NRG1: variants seen among roughly 807,000 people sequenced by gnomAD.
NRG1 encodes the protein pro-neuregulin-1, membrane-bound isoform.
NRG1 carries 18 observed loss-of-function variants against 63.8 expected under a neutral mutation model. That is an observed-to-expected ratio of 0.28 (90% CI 0.19 to 0.42). NRG1 has a LOEUF of 0.42. NRG1 is among the 10% of genes least tolerant of loss of function. The probability of loss-of-function intolerance (pLI) is 1.00; values close to 1 mark genes in which losing one functional copy is unlikely to be tolerated. For missense variants in NRG1, 762 were observed against 814.7 expected, an observed-to-expected ratio of 0.94 and a Z score of 0.79; for synonymous variants, 302 against 301.3, an observed-to-expected ratio of 1.00 and a Z score of -0.02.
chr8:32,267,414 A>T (rs1447024959), intron 1 of NRG1, among the ~76,000 whole-genome samples: 1 of 152,176 alleles, frequency 6.6e-6, no homozygotes, highest in Non-Finnish European at 1.5e-5. Flanking sequence ...CCTGGCTTAG[A>T]TGTAGTTGTG....
At chr8:31,731,658 AAT>A (rs998792801) in intron 1 of NRG1, among the ~76,000 whole-genome samples, 8 of 152,176 alleles carry the variant, frequency 5.3e-5, no homozygotes. Flanking sequence ...TAACTCAGTT[AAT>A]ATATATGTAC....
intron 1 of NRG1, among the ~76,000 whole-genome samples, chr8:31,774,358 C>T (rs930236812): frequency 6.6e-6 from 1 of 152,124 alleles, no homozygotes; most frequent in African/African-American, 2.4e-5. Flanking sequence ...TATCTTAGAT[C>T]ATAATATATA....
chr8:31,992,834 T>G (rs1811321190), intron 1 of NRG1, among the ~76,000 whole-genome samples: 1 of 151,956 alleles, frequency 6.6e-6, no homozygotes, highest in South Asian at 2.1e-4. Context: ...GTATGAAATA[T>G]TTTTCCCAGA....
intron 1 of NRG1, among the ~76,000 whole-genome samples, chr8:31,969,001 G>A (rs984391635): frequency 5.3e-5 from 8 of 152,066 alleles, no homozygotes; most frequent in Non-Finnish European, 1.2e-4. Flanking sequence ...GCATTTGAGC[G>A]CTCTCTCCGC....
At chr8:32,747,409 A>C (rs1474154805) in intron 7 of NRG1, among the ~76,000 whole-genome samples, 3 of 152,166 alleles carry the variant, frequency 2.0e-5, no homozygotes, top group Non-Finnish European at 4.4e-5. Flanking sequence ...TTCCTTGGAA[A>C]ATGAATGTTT....
chr8:32,210,133 C>T (rs1382836586), intron 1 of NRG1, among the ~76,000 whole-genome samples: 7 of 152,078 alleles, frequency 4.6e-5, no homozygotes, highest in Admixed American at 3.9e-4. Flanking sequence ...AAAAAGGTGT[C>T]GTAAAGCAGC....
At chr8:32,602,379 T>G (rs1001539552) in intron 2 of NRG1, among the ~76,000 whole-genome samples, 1 of 152,118 alleles carries the variant, frequency 6.6e-6, no homozygotes, top group Non-Finnish European at 1.5e-5. Context: ...AAGATTATGT[T>G]AACTGTAAAT....
At chr8:32,402,566 C>CT (rs1813354426) in intron 1 of NRG1, among the ~76,000 whole-genome samples, 1 of 152,172 alleles carries the variant, frequency 6.6e-6, no homozygotes, top group African/African-American at 2.4e-5. Context: ...TGCCTCCGAC[C>CT]TGTTAGTCAC....
chr8:31,897,785 CG>C, intron 1 of NRG1, among the ~76,000 whole-genome samples: 1 of 151,580 alleles, frequency 6.6e-6, no homozygotes, highest in East Asian at 1.9e-4. Flanking sequence ...GAGGCTGAGG[CG>C]GGCAGATCAC....
At chr8:31,667,901 G>C (rs1281619284) in intron 1 of NRG1, among the ~76,000 whole-genome samples, 1 of 152,140 alleles carries the variant, frequency 6.6e-6, no homozygotes, top group Non-Finnish European at 1.5e-5. Flanking sequence ...TTTCTCGCTG[G>C]AGACAGACTG....
chr8:31,826,720 G>A (rs1316808874), intron 1 of NRG1, among the ~76,000 whole-genome samples: 1 of 152,162 alleles, frequency 6.6e-6, no homozygotes. Context: ...GCTTAGGTGT[G>A]GAGTAGAAGA....
chr8:32,719,271 A>G (rs1820035612), intron 5 of NRG1, among the ~76,000 whole-genome samples: 11 of 152,068 alleles, frequency 7.2e-5, no homozygotes, highest in Admixed American at 7.2e-4. Context: ...ATATATTTAA[A>G]CAAGTACATA....
intron 1 of NRG1, among the ~76,000 whole-genome samples, chr8:32,209,545 G>C (rs1315870237): frequency 6.6e-6 from 1 of 152,034 alleles, no homozygotes; most frequent in Admixed American, 6.6e-5. Flanking sequence ...TCATGTAGCA[G>C]GGTTTAAAAT....
intron 1 of NRG1, among the ~76,000 whole-genome samples, chr8:32,099,077 C>T (rs964126759): frequency 2.0e-5 from 3 of 152,142 alleles, no homozygotes; most frequent in African/African-American, 4.8e-5. Context: ...CATGAAAATA[C>T]GTTGCAAGGG....
intron 1 of NRG1, among the ~76,000 whole-genome samples, chr8:32,360,190 A>C (rs1377486407): frequency 6.6e-6 from 1 of 152,212 alleles, no homozygotes; most frequent in Admixed American, 6.6e-5. Context: ...CAGGGGCCAA[A>C]CCTGTAATAG....
intron 5 of NRG1, among the ~76,000 whole-genome samples, chr8:32,720,079 T>C (rs1820246191): frequency 6.6e-6 from 1 of 152,148 alleles, no homozygotes; most frequent in South Asian, 2.1e-4. Flanking sequence ...TTTTGACCTT[T>C]CAGCTACTTT....
intron 1 of NRG1, among the ~76,000 whole-genome samples, chr8:32,479,758 C>A (rs987717920): frequency 1.3e-5 from 2 of 151,910 alleles, no homozygotes; most frequent in African/African-American, 4.8e-5. Context: ...CAAGTGATTC[C>A]CCTGCCTCAG....
In NRG1 at chr8:32,355,908, C is replaced by T. The variant is rs1806321375; in HGVS notation, c.38-239920C>T. ...ATGGTCTTCCAGATGAAGGAGGGGA[C>T]ATGAACATGTGTCTGTCCCAATAAA... On this transcript the variant is annotated intron_variant, in intron 1 of 10. Transcript: ENST00000519301. Among the ~76,000 whole-genome samples the T allele has an allele frequency of 2.6e-5, 4 of 152,116 alleles. No individual in the cohort carries two copies. The South Asian group carries it at 8.3e-4, about 32-fold the overall frequency.
At chr8:32,585,345 G>A (rs890083728) in intron 1 of NRG1, among the ~76,000 whole-genome samples, 13 of 152,144 alleles carry the variant, frequency 8.5e-5, no homozygotes, top group Non-Finnish European at 4.4e-5. Flanking sequence ...GAAGCTTGCT[G>A]GACATCTTTA....
Sources: allele counts gnomAD v4.1 joint callset (sites outside exome capture counted in the v4.1 genomes callset), GRCh38; gene constraint gnomAD v4.1.1; transcripts MANE v1.5; gene names NCBI Gene and HGNC (gene_info 2026-07-23, HGNC 2026-07-21).